ZNF140: variants seen among roughly 807,000 people sequenced by gnomAD.
ZNF140 encodes the protein zinc finger protein 140 (clone pHZ-39).
Under a neutral mutation model 12.9 loss-of-function variants are expected in ZNF140, and 13 were observed. The observed-to-expected ratio is 1.01, with a 90% confidence interval of 0.66 to 1.60. The LOEUF (loss-of-function observed/expected upper bound fraction) is 1.60. Ranked by LOEUF, ZNF140 falls within the 40% of genes most tolerant of loss-of-function variation. The pLI, the probability that ZNF140 is intolerant of heterozygous loss-of-function variation, is 0.00. For missense variants in ZNF140, 531 were observed against 548.8 expected (o/e 0.97, Z 0.32); for synonymous variants, 214 against 186.7 (o/e 1.15, Z -1.19).
At chr12:133,081,605 C>T in intron 2 of ZNF140, 1 of 454,028 alleles carries the variant, frequency 2.2e-6, no homozygotes, top group Non-Finnish European at 4.4e-6. Flanking sequence ...CCTTGTTCCT[C>T]CTTTTCAGGT....
At chr12:133,088,308 G>T (rs1290238113) in intron 4 of ZNF140, among the ~76,000 whole-genome samples, 1 of 152,222 alleles carries the variant, frequency 6.6e-6, no homozygotes, top group African/African-American at 2.4e-5. Context: ...GCTGATTTTT[G>T]TTACTGTCTC....
chr12:133,084,281 C>T (rs1395328022), intron 4 of ZNF140: 2 of 349,830 alleles, frequency 5.7e-6, no homozygotes, highest in African/African-American at 4.4e-5. Context: ...TCTATTTAAT[C>T]ACCTTGAAAA....
chr12:133,094,951 T>C (rs1178648067), intron 4 of ZNF140, among the ~76,000 whole-genome samples: 4 of 151,498 alleles, frequency 2.6e-5, no homozygotes, highest in African/African-American at 9.8e-5. Flanking sequence ...ATTTTTACCA[T>C]GTGAACTTTC....
intron 4 of ZNF140, among the ~76,000 whole-genome samples, chr12:133,095,548 A>G (rs1955046359): frequency 2.0e-5 from 3 of 151,672 alleles, no homozygotes; most frequent in Admixed American, 6.6e-5. Flanking sequence ...AAGAAAGAAG[A>G]CACAGAGACA....
upstream of ZNF140, chr12:133,080,453 G>A (rs1371828622): frequency 6.6e-6 from 1 of 152,352 alleles, no homozygotes; most frequent in Non-Finnish European, 1.5e-5. Context: ...GGTCGCGGTT[G>A]TTTCTGGGAA....
chr12:133,089,402 C>T (rs988160708), intron 4 of ZNF140, among the ~76,000 whole-genome samples: 2 of 151,788 alleles, frequency 1.3e-5, no homozygotes, highest in Non-Finnish European at 2.9e-5. Context: ...TTTGCAGAGA[C>T]GAGGTTTCAC....
At chr12:133,097,182 T>G (rs1351208433) in intron 4 of ZNF140, among the ~76,000 whole-genome samples, 1 of 152,242 alleles carries the variant, frequency 6.6e-6, no homozygotes, top group African/African-American at 2.4e-5. Context: ...TTTTGATAAG[T>G]GTTAGTATGG....
chr12:133,105,803 C>G lies in ZNF140; in HGVS notation c.526C>G (p.Leu176Val). Residue 176 changes from leucine to valine, a missense_variant, in exon 5 of 5, where the codon CTG becomes GTG. Transcript: ENST00000355557. ...CGKTFGRRFS[L>V]VLHQRTHTGE... is the part of the protein sequence containing the mutation. ...AAAAACTTTTGGTCGACGCTTTTCC[C>G]TGGTGTTACACCAGAGGACTCATAC... is the stretch of plus-strand genomic sequence containing the variant. 6.2e-7 allele frequency: 1 copy of G among 1,614,184 alleles called. No individual in the cohort carries two copies. The highest frequency in any genetic ancestry group is 8.5e-7 in the Non-Finnish European group (1 of 1,180,052).
In ZNF140 at chr12:133,103,978, C is replaced by T. The variant is rs1955464694; in HGVS notation, c.233-1532C>T. 2.6e-5 allele frequency among the ~76,000 whole-genome samples: 4 copies of T among 152,108 alleles called. No homozygotes were observed. The South Asian group carries it at 6.2e-4, about 24-fold the overall frequency. ...TTGATCTTTCATGTATTTTGTATACCTACCATATAGGTACAGATCTTGATC... is the reference window on the plus strand; with the variant it reads ...TTGATCTTTCATGTATTTTGTATACTTACCATATAGGTACAGATCTTGATC... On this transcript the variant is annotated intron_variant, in intron 4 of 4. Transcript: ENST00000355557.
Position 133,106,277 on chromosome 12 carries a change from T to C in ZNF140, c.1000T>C (p.Cys334Arg), listed in dbSNP as rs1300040526. Residue 334 changes from cysteine to arginine, a missense_variant, in exon 5 of 5, where the codon TGT becomes CGT. Cys to Arg is a radical substitution (Grantham distance 180). Transcript: ENST00000355557. ...CAAAACCCCGTATGAATGTAATGAATGTAGGAAAGCTTTCCGTTGTCACTC... is the reference window on the plus strand; with the variant it reads ...CAAAACCCCGTATGAATGTAATGAACGTAGGAAAGCTTTCCGTTGTCACTC... ...TTKTPYECNE[C>R]RKAFRCHSFL... 3 of 1,614,070 alleles carry C rather than the reference T, an allele frequency of 1.9e-6. No homozygotes were observed. The highest frequency in any genetic ancestry group is 1.1e-5 in the South Asian group (1 of 91,094).
rs1277155087 is a variant in ZNF140, at chr12:133,106,383, A to G, written c.1106A>G (p.His369Arg). 2.5e-6 allele frequency: 4 copies of G among 1,614,154 alleles called. No individual in the cohort carries two copies. The highest frequency in any genetic ancestry group is 1.3e-5 in the African/African-American group (1 of 75,042). Residue 369 changes from histidine (H) to arginine (R), a missense_variant, in exon 5 of 5, where the codon CAT becomes CGT. Physicochemically the swap from His to Arg is conservative, Grantham distance 29. Coordinates refer to ENST00000355557, the MANE Select transcript of ZNF140 (RefSeq NM_003440.4). The part of the protein sequence containing the change: ...CDECGKVFTW[H>R]ASLIQHTKSH... ...GAATGTGGTAAAGTTTTCACTTGGC[A>G]TGCATCCCTTATTCAACATACGAAG... is the stretch of plus-strand genomic sequence containing the variant.
At chr12:133,089,507 C>T (rs890215821) in intron 4 of ZNF140, among the ~76,000 whole-genome samples, 4 of 152,204 alleles carry the variant, frequency 2.6e-5, no homozygotes, top group Non-Finnish European at 2.9e-5. Context: ...AGCCACCACA[C>T]GCAGCCTCAT....
rs1954474525 is a variant in ZNF140 at position 133,081,348 on chromosome 12, A to ATATAT, written c.9+19_9+20insTATAT. ...GTCTCAGGTAAGCTAATGATTGATAAATATATATATATATATATATATAAA... is the reference window on the plus strand; with the variant it reads ...GTCTCAGGTAAGCTAATGATTGATAATATATATATATATATATATATATATATAAA... On this transcript the variant is annotated intron_variant, in intron 2 of 4. Transcript: ENST00000355557. 9.4e-4 allele frequency: 300 copies of ATATAT among 318,800 alleles called. 2 individuals carry two copies. The highest frequency in any genetic ancestry group is 1.4e-3 in the Admixed American group (32 of 23,322). The allele number at this position is 318,800 out of a possible 1,614,324, so 19.7% of individuals were successfully genotyped here. A position where few individuals can be genotyped will look rare whatever the true frequency, so the allele number is the denominator to read the frequency against.
intron 2 of ZNF140, 41 bp downstream of exon 2, chr12:133,081,370 T>A (rs1373337505): frequency 8.9e-5 from 21 of 235,976 alleles, no homozygotes; most frequent in African/African-American, 3.3e-5. Context: ...TATATATATA[T>A]AAATTTTTAT....
At chr12:133,084,174 TTTTTC>T (rs1293669292) in intron 4 of ZNF140, 1 of 440,248 alleles carries the variant, frequency 2.3e-6, no homozygotes, top group Non-Finnish European at 4.5e-6. Flanking sequence ...TTCTTTTTGT[TTTTTC>T]TTTCCTTTCT....
At chr12:133,096,333 C>T (rs1214857388) in intron 4 of ZNF140, among the ~76,000 whole-genome samples, 1 of 152,108 alleles carries the variant, frequency 6.6e-6, no homozygotes, top group Non-Finnish European at 1.5e-5. Context: ...CAGGTTGGGT[C>T]AAAGTGGCTG....
At chr12:133,090,049 A>G (rs1954805156) in intron 4 of ZNF140, among the ~76,000 whole-genome samples, 1 of 151,980 alleles carries the variant, frequency 6.6e-6, no homozygotes, top group African/African-American at 2.4e-5. Flanking sequence ...GGGTCTCATC[A>G]TGTTGGCCAG....
Position 133,095,751 on chromosome 12 carries a change from C to G in ZNF140, c.233-9759C>G, listed in dbSNP as rs924731170. On this transcript the variant is annotated intron_variant, in intron 4 of 4. Transcript: ENST00000355557. ...AACATGTGAGCAAAAGAATCTATGT[C>G]ATAATTAGGTTTAAGGGAAGGTACT... Among the ~76,000 whole-genome samples the G allele has an allele frequency of 2.6e-5, 4 of 151,282 alleles. No individual in the cohort carries two copies. The East Asian group carries it at 7.7e-4, about 29-fold the overall frequency.
At chr12:133,099,565 G>A (rs1248280977) in intron 4 of ZNF140, among the ~76,000 whole-genome samples, 1 of 152,154 alleles carries the variant, frequency 6.6e-6, no homozygotes, top group Non-Finnish European at 1.5e-5. Context: ...GCTCACACTT[G>A]GAATCTCAGT....
Sources: gnomAD v4.1 joint callset for allele counts (sites outside exome capture counted in the v4.1 genomes callset) on GRCh38, gnomAD v4.1.1 for gene constraint, MANE v1.5 for transcripts, NCBI Gene and HGNC (gene_info 2026-07-23, HGNC 2026-07-21) for gene names.